Variants in PCDHGB7 observed in about 807,000 individuals in gnomAD.
The protein encoded by PCDHGB7 is protocadherin gamma-B7.
PCDHGB7 carries 37 observed loss-of-function variants against 61.4 expected under a neutral mutation model. The observed-to-expected ratio is 0.60, with a 90% confidence interval of 0.46 to 0.79. The LOEUF is 0.79. PCDHGB7 is among the 30% of genes least tolerant of loss of function. The pLI is 0.00. For synonymous variants in PCDHGB7, 464 were observed against 503.5 expected (o/e 0.92, Z 1.05); for missense variants, 1,166 against 1,202.5 (o/e 0.97, Z 0.45).
rs1419365808 is a variant in PCDHGB7 at position 141,477,321 on chromosome 5, C to G, written c.2416-17486C>G. 1.2e-6 allele frequency: 2 copies of G among 1,614,160 alleles called. No homozygotes were observed. Among genetic ancestry groups the G allele is most frequent in the East Asian group, 4.5e-5 (2 of 44,874 alleles). On this transcript the variant is annotated intron_variant, in intron 1 of 3. Coordinates refer to ENST00000398594, the MANE Select transcript of PCDHGB7 (RefSeq NM_018927.4). The surrounding 1 kb of genome is among the most constrained non-coding windows in gnomAD (Gnocchi z 4.9). Reference sequence around the variant, plus strand: ...GGTCTCCCTTTCAGCCTTACTTCTTCCCTCAAGAATTACTTCACTTTGAAA... The same window carrying G: ...GGTCTCCCTTTCAGCCTTACTTCTTGCCTCAAGAATTACTTCACTTTGAAA...
chr5:141,445,973 G>A (rs563637331), intron 1 of PCDHGB7, among the ~76,000 whole-genome samples: 28 of 152,326 alleles, frequency 1.8e-4, no homozygotes, highest in African/African-American at 6.0e-4. Flanking sequence ...ATTGATTTAT[G>A]AGGGTTATAA....
chr5:141,476,770 C>T lies in PCDHGB7; in HGVS notation c.2416-18037C>T, dbSNP rs1452363016. 6.2e-7 allele frequency: 1 copy of T among 1,613,568 alleles called. No homozygotes were observed. The highest frequency in any genetic ancestry group is 8.5e-7 in the Non-Finnish European group (1 of 1,180,020). ...TCCAGTTAGTGCTGACGGCGTTGGA[C>T]GGAGGGACCCCAGCTCTCTCCGCCA... On this transcript the variant is annotated intron_variant, in intron 1 of 3. Coordinates refer to ENST00000398594, the MANE Select transcript of PCDHGB7 (RefSeq NM_018927.4). This position sits in a 1 kb window ranked among gnomAD's most constrained non-coding sequence, Gnocchi z 7.6.
chr5:141,443,699 A>G (rs1433844997), intron 1 of PCDHGB7, among the ~76,000 whole-genome samples: 1 of 152,248 alleles, frequency 6.6e-6, no homozygotes, highest in African/African-American at 2.4e-5. Flanking sequence ...AAAATTATAG[A>G]ATAACATTTG....
intron 1 of PCDHGB7, among the ~76,000 whole-genome samples, chr5:141,482,207 G>T (rs983812650): frequency 6.6e-6 from 1 of 152,130 alleles, no homozygotes; most frequent in East Asian, 1.9e-4. Flanking sequence ...AAACAGACCA[G>T]GTACTTGTTT....
Position 141,476,380 on chromosome 5 carries a change from G to C in PCDHGB7, c.2416-18427G>C. 1 of 1,614,154 alleles carries C rather than the reference G, an allele frequency of 6.2e-7. No homozygotes were observed. The highest frequency in any genetic ancestry group is 8.5e-7 in the Non-Finnish European group (1 of 1,180,042). On this transcript the variant is annotated intron_variant, in intron 1 of 3. Coordinates refer to ENST00000398594, the MANE Select transcript of PCDHGB7 (RefSeq NM_018927.4). The surrounding 1 kb of genome is among the most constrained non-coding windows in gnomAD (Gnocchi z 7.6). ...ACCGGGAGACCGGAGAGATGTTTGT[G>C]AACGACCGTCTGGATCGAGAGGAGC... is the stretch of plus-strand genomic sequence containing the variant.
At position 141,476,518 on chromosome 5, in the gene PCDHGB7, T is replaced by C; in HGVS notation, c.2416-18289T>C. 1 of 1,614,214 alleles carries C rather than the reference T, an allele frequency of 6.2e-7. No individual in the cohort carries two copies. Among genetic ancestry groups the C allele is most frequent in the Non-Finnish European group, 8.5e-7 (1 of 1,180,038 alleles). ...AGGACATCAACGACAACAATCCTGC[T>C]TTCCCTACCCAGGAAATGAAATTGG... is the stretch of plus-strand genomic sequence containing the variant. On this transcript the variant is annotated intron_variant, in intron 1 of 3. Transcript: ENST00000398594. This position sits in a 1 kb window ranked among gnomAD's most constrained non-coding sequence, Gnocchi z 7.6.
At chr5:141,488,070 C>A (rs777154469) in intron 1 of PCDHGB7, among the ~76,000 whole-genome samples, 3 of 152,076 alleles carry the variant, frequency 2.0e-5, no homozygotes, top group Non-Finnish European at 1.5e-5. Context: ...TCTTTGTCTC[C>A]CAGTATCTAG....
chr5:141,426,559 C>T (rs1401963895), intron 1 of PCDHGB7: 1 of 353,038 alleles, frequency 2.8e-6, no homozygotes, highest in Non-Finnish European at 5.6e-6. Context: ...CAGAATAGAT[C>T]GAGAGTCACT....
At chr5:141,452,854 A>G (rs137963870) in intron 1 of PCDHGB7, among the ~76,000 whole-genome samples, 109 of 152,264 alleles carry the variant, frequency 7.2e-4, no homozygotes, top group African/African-American at 2.5e-3. Flanking sequence ...CTCTGGGGAG[A>G]TGATTTTCTA....
rs2099884522 is a variant in PCDHGB7, at chr5:141,512,941, T to C, written c.*1768T>C. On this transcript the variant is annotated 3_prime_UTR_variant, in exon 4 of 4. Transcript: ENST00000398594. ...CTAATATTTATATGGCTTTTTTTCT[T>C]CGACAAAAAAATAATAAAACGTTTC... The C allele has an allele frequency of 6.6e-6, 1 of 151,892 alleles. No individual in the cohort carries two copies. The highest frequency in any genetic ancestry group is 6.6e-5 in the Admixed American group (1 of 15,236). The allele number at this position is 151,892 out of a possible 1,614,324, so 9.4% of individuals were successfully genotyped here.
chr5:141,421,965 C>T (rs775450008), intron 1 of PCDHGB7: 3 of 1,610,242 alleles, frequency 1.9e-6, no homozygotes, highest in Non-Finnish European at 2.5e-6. Context: ...TTACACAGTC[C>T]GTATATCGCG....
At chr5:141,452,751 A>C (rs1592230802) in intron 1 of PCDHGB7, among the ~76,000 whole-genome samples, 1 of 152,094 alleles carries the variant, frequency 6.6e-6, no homozygotes, top group South Asian at 2.1e-4. Context: ...AGAAGGAAGA[A>C]GGAAGGGAGG....
chr5:141,496,523 G>T (rs1159517569), intron 2 of PCDHGB7, among the ~76,000 whole-genome samples: 1 of 152,128 alleles, frequency 6.6e-6, no homozygotes, highest in Non-Finnish European at 1.5e-5. Context: ...GGAGCCCTTG[G>T]TGTATGGCAG....
rs370284141 is a variant in PCDHGB7, at chr5:141,421,654, G to A, written c.2415+1380G>A. On this transcript the variant is annotated intron_variant, in intron 1 of 3. Coordinates refer to ENST00000398594, the MANE Select transcript of PCDHGB7 (RefSeq NM_018927.4). ...CCAGGAGGACGAAGTGGAGATAAAA[G>A]TCAGTGAGCACGCAATTCCTGGGGC... The A allele has an allele frequency of 3.5e-5, 57 of 1,613,746 alleles. No individual in the cohort carries two copies. Among genetic ancestry groups the A allele is most frequent in the Admixed American group, 5.0e-5 (3 of 59,974 alleles).
Position 141,421,937 on chromosome 5 carries a change from A to G in PCDHGB7, c.2415+1663A>G, listed in dbSNP as rs375878901. The G allele has an allele frequency of 1.5e-5, 25 of 1,613,402 alleles. No homozygotes were observed. In the African/African-American group the frequency reaches 1.6e-4, roughly 10 times the overall value. ...ATTCGTGTGGTGGTCCTCGATGTAA[A>G]TGATCACATCCCAATGTTTACACAG... On this transcript the variant is annotated intron_variant, in intron 1 of 3. Coordinates refer to ENST00000398594, the MANE Select transcript of PCDHGB7 (RefSeq NM_018927.4).
rs758715682 is a variant in PCDHGB7, at chr5:141,490,062, C to T, written c.2416-4745C>T. The T allele has an allele frequency of 2.6e-5, 42 of 1,614,100 alleles. No individual in the cohort carries two copies. The highest frequency in any genetic ancestry group is 3.3e-5 in the South Asian group (3 of 91,086). On this transcript the variant is annotated intron_variant, in intron 1 of 3. Coordinates refer to ENST00000398594, the MANE Select transcript of PCDHGB7 (RefSeq NM_018927.4). The surrounding 1 kb of genome is among the most constrained non-coding windows in gnomAD (Gnocchi z 5.4). The stretch of plus-strand genomic sequence containing the variant: ...CCACTGATCCAGACGAGGGCACCAA[C>T]GGCCAACTAGACTATTCTTTTGGAG...
At chr5:141,484,707 G>C (rs1288663675) in intron 1 of PCDHGB7, among the ~76,000 whole-genome samples, 1 of 151,802 alleles carries the variant, frequency 6.6e-6, no homozygotes. Flanking sequence ...TGTTTTCCCC[G>C]CCGAAAAGGG....
chr5:141,443,167 C>T (rs745545091), intron 1 of PCDHGB7, among the ~76,000 whole-genome samples: 4 of 152,084 alleles, frequency 2.6e-5, no homozygotes, highest in Non-Finnish European at 5.9e-5. Flanking sequence ...TTTCCCTACC[C>T]ATGTCCACTG....
At chr5:141,422,782 C>CG in intron 1 of PCDHGB7, 1 of 1,614,090 alleles carries the variant, frequency 6.2e-7, no homozygotes, top group South Asian at 1.1e-5. Context: ...CTATGCCCTA[C>CG]AATCCTTCGA....
Sources: allele counts gnomAD v4.1 joint callset (sites outside exome capture counted in the v4.1 genomes callset), GRCh38; gene constraint gnomAD v4.1.1; non-coding constraint Gnocchi (gnomAD v3.1); transcripts MANE v1.5; gene names NCBI Gene and HGNC (gene_info 2026-07-23, HGNC 2026-07-21).